The following DYNC2H1 variants were observed in gnomAD, a reference collection of about 807,000 sequenced individuals.
The protein encoded by DYNC2H1 is cytoplasmic dynein 2 heavy chain 1.
A neutral mutation model predicts 570.0 loss-of-function variants in DYNC2H1; 410 were observed. The ratio of observed to expected loss-of-function variants is 0.72; its 90% CI spans 0.66 to 0.78. DYNC2H1 has a LOEUF of 0.78. Ranked by LOEUF, DYNC2H1 falls within the 30% of genes least tolerant of loss-of-function variation. The pLI is 0.00. For synonymous variants in DYNC2H1, 1,688 were observed against 1,677.6 expected, an observed-to-expected ratio of 1.01 and a Z score of -0.15; for missense variants, 4,865 against 5,046.4, an observed-to-expected ratio of 0.96 and a Z score of 1.09.
intron 47 of DYNC2H1, among the ~76,000 whole-genome samples, chr11:103,193,964 C>G (rs1862417702): frequency 1.3e-5 from 2 of 152,148 alleles, no homozygotes; most frequent in African/African-American, 4.8e-5. Context: ...TAAAAATAAA[C>G]TAGATACATT....
chr11:103,396,505 G>C (rs995723623), intron 83 of DYNC2H1, among the ~76,000 whole-genome samples: 10 of 152,168 alleles, frequency 6.6e-5, no homozygotes, highest in African/African-American at 2.2e-4. Flanking sequence ...CCCATTGCTT[G>C]AGTGTACTCT....
chr11:103,117,561 C>T, intron 5 of DYNC2H1, 70 bp from the exon 6 acceptor site: 1 of 1,212,458 alleles, frequency 8.2e-7, no homozygotes. Context: ...TTGTCATAAG[C>T]ATGTATTTTA....
At chr11:103,390,779 A>G (rs150584099) in intron 83 of DYNC2H1, among the ~76,000 whole-genome samples, 50,601 of 152,062 alleles carry the variant, frequency 0.33, 10,236 homozygotes, top group Non-Finnish European at 0.45. Flanking sequence ...CTGGATATGA[A>G]ATTCTGGGTT....
intron 87 of DYNC2H1, among the ~76,000 whole-genome samples, chr11:103,458,099 C>G (rs914964031): frequency 3.3e-5 from 5 of 152,216 alleles, no homozygotes; most frequent in African/African-American, 1.2e-4. Flanking sequence ...TCATTCACCA[C>G]TTATTCACTG....
At chr11:103,247,918 C>T (rs1409105698) in intron 65 of DYNC2H1, among the ~76,000 whole-genome samples, 3 of 151,870 alleles carry the variant, frequency 2.0e-5, no homozygotes, top group South Asian at 2.1e-4. Flanking sequence ...GTATAGGGAC[C>T]GAAGACAAGG....
rs1261728556 is a variant in DYNC2H1 at position 103,157,334 on chromosome 11, G to A, written c.4127+564G>A. 1.3e-5 allele frequency among the ~76,000 whole-genome samples: 2 copies of A among 152,188 alleles called. No homozygotes were observed. The highest frequency in any genetic ancestry group is 2.1e-4 in the South Asian group (1 of 4,830). ...ATGCTGAGGTCTCCTCAACTTACAT[G>A]TACAGCCCATATTTCTCTTCTGAGC... is the stretch of plus-strand genomic sequence containing the variant. On this transcript the variant is annotated intron_variant, in intron 26 of 88. Transcript: ENST00000375735. This position sits in a 1 kb window ranked among gnomAD's most constrained non-coding sequence, Gnocchi z 4.2.
intron 84 of DYNC2H1, among the ~76,000 whole-genome samples, chr11:103,427,788 T>TTATC (rs1292895002): frequency 6.6e-6 from 1 of 152,046 alleles, no homozygotes; most frequent in Non-Finnish European, 1.5e-5. Context: ...CCTCCTAATA[T>TTATC]TATCACATTG....
chr11:103,316,866 CA>C (rs1413620598), intron 80 of DYNC2H1, among the ~76,000 whole-genome samples: 1 of 151,954 alleles, frequency 6.6e-6, no homozygotes, highest in African/African-American at 2.4e-5. Context: ...TTGTGGCTTT[CA>C]AAAGTTTCAG....
rs1941483110 is a variant in DYNC2H1, at chr11:103,378,289, G to C, written c.12156+19930G>C. On this transcript the variant is annotated intron_variant, in intron 83 of 88. Coordinates refer to ENST00000375735, the MANE Select transcript of DYNC2H1 (RefSeq NM_001377.3). ...TTAATGTCATGCTAGAAGTCACTTT[G>C]CTCTTTCATTTTCTTGTGATAATTT... Among the ~76,000 whole-genome samples the C allele has an allele frequency of 3.3e-5, 5 of 152,048 alleles. No homozygotes were observed. The South Asian group carries it at 1.0e-3, about 31-fold the overall frequency.
intron 83 of DYNC2H1, among the ~76,000 whole-genome samples, chr11:103,374,511 T>C (rs564246599): frequency 1.3e-5 from 2 of 152,282 alleles, no homozygotes; most frequent in East Asian, 3.9e-4. Flanking sequence ...TGGAACAGTT[T>C]GGAGGACTCA....
intron 73 of DYNC2H1, among the ~76,000 whole-genome samples, chr11:103,285,891 G>GT (rs1866332966): frequency 6.6e-6 from 1 of 152,146 alleles, no homozygotes; most frequent in African/African-American, 2.4e-5. Flanking sequence ...GAGAGTCTTT[G>GT]TTAATATGAA....
Position 103,154,827 on chromosome 11 carries a change from T to C in DYNC2H1, c.3573+18T>C. 6.6e-7 allele frequency: 1 copy of C among 1,516,718 alleles called. No individual in the cohort carries two copies. Among genetic ancestry groups the C allele is most frequent in the Non-Finnish European group, 8.8e-7 (1 of 1,130,276 alleles). The allele number at this position is 1,516,718 out of a possible 1,614,324, so 94.0% of individuals were successfully genotyped here. On this transcript the variant is annotated intron_variant, in intron 24 of 88. Coordinates refer to ENST00000375735, the MANE Select transcript of DYNC2H1 (RefSeq NM_001377.3). Reference sequence around the variant, plus strand: ...AATATAAAGTAAGATTGTTTTATTATTTTGCCAATTAAAAACAATGTTTGG... The same window carrying C: ...AATATAAAGTAAGATTGTTTTATTACTTTGCCAATTAAAAACAATGTTTGG...
At chr11:103,302,973 TG>T in intron 75 of DYNC2H1, 119 bp from the exon 76 acceptor site, 1 of 686,370 alleles carries the variant, frequency 1.5e-6, no homozygotes. Context: ...AAAACTTTAA[TG>T]TATTATGAGA....
chr11:103,191,419 A>C, intron 45 of DYNC2H1, 98 bp from the exon 46 acceptor site: 2 of 772,652 alleles, frequency 2.6e-6, no homozygotes, highest in Non-Finnish European at 4.2e-6. Context: ...CTACAGGTAG[A>C]AATTGGTATT....
At chr11:103,184,834 T>C in intron 40 of DYNC2H1, 62 bp from the exon 41 acceptor site, 1 of 1,581,894 alleles carries the variant, frequency 6.3e-7, no homozygotes, top group Non-Finnish European at 8.6e-7. Flanking sequence ...GTCTGTATGG[T>C]TCTATGTTTA....
At chr11:103,359,258 T>C (rs919769209) in intron 83 of DYNC2H1, among the ~76,000 whole-genome samples, 1 of 152,256 alleles carries the variant, frequency 6.6e-6, no homozygotes, top group African/African-American at 2.4e-5. Flanking sequence ...TTAGTGATCA[T>C]TAATGAAGTT....
chr11:103,171,073 A>G lies in DYNC2H1; in HGVS notation c.5334+5A>G. The G allele has an allele frequency of 6.4e-7, 1 of 1,567,230 alleles. No homozygotes were observed. Among genetic ancestry groups the G allele is most frequent in the Non-Finnish European group, 8.7e-7 (1 of 1,151,080 alleles). ...TGTGAACTGCTTGGCAAGGAGGTAT[A>G]GAATATGTTGGGAATTTAAAGAATT... On this transcript the variant is annotated splice_donor_5th_base_variant and intron_variant, in intron 34 of 88. Transcript: ENST00000375735.
chr11:103,179,598 A>C lies in DYNC2H1; in HGVS notation c.6347+365A>C, dbSNP rs992957265. Among the ~76,000 whole-genome samples the C allele has an allele frequency of 3.9e-5, 6 of 151,940 alleles. No homozygotes were observed. In the South Asian group the frequency reaches 1.2e-3, roughly 31 times the overall value. ...GCTAATAATTTAAAGCTGAGTAGCA[A>C]TATTTTAATTTTAGAATTTAATTAA... On this transcript the variant is annotated intron_variant, in intron 39 of 88. Transcript: ENST00000375735.
At chr11:103,223,230 CA>C in intron 59 of DYNC2H1, 144 bp downstream of exon 59, 1 of 779,186 alleles carries the variant, frequency 1.3e-6, no homozygotes, top group Non-Finnish European at 1.8e-6. Flanking sequence ...CAATTAAAGA[CA>C]AATTTAAAAA....
Sources: gnomAD v4.1 joint callset for allele counts (sites outside exome capture counted in the v4.1 genomes callset) on GRCh38, gnomAD v4.1.1 for gene constraint, Gnocchi (gnomAD v3.1) non-coding constraint, MANE v1.5 for transcripts, NCBI Gene and HGNC (gene_info 2026-07-23, HGNC 2026-07-21) for gene names.